Variants in YWHAZ observed in about 807,000 individuals in gnomAD.
YWHAZ encodes the protein tyrosine 3-monooxygenase/tryptophan 5-monooxygenase activation protein zeta.
For missense variants in YWHAZ, 79 were observed against 284.8 expected, an observed-to-expected ratio of 0.28 and a Z score of 5.20; for synonymous variants, 87 against 103.6, an observed-to-expected ratio of 0.84 and a Z score of 0.97.
At chr8:100,950,660 G>GGGGGGGGGA in intron 1 of YWHAZ, 1 of 903,768 alleles carries the variant, frequency 1.1e-6, no homozygotes, top group Non-Finnish European at 1.3e-6. Context: ...CAAGCCGTGG[G>GGGGGGGGGA]GGGGGGGGAG....
At chr8:100,950,566 T>C (rs916112526) in intron 1 of YWHAZ, 4 of 985,306 alleles carry the variant, frequency 4.1e-6, no homozygotes, top group Non-Finnish European at 4.8e-6. Flanking sequence ...ATGGCGGATC[T>C]GTGTCAGGGA....
chr8:100,937,565 G>T (rs180838361), intron 2 of YWHAZ, among the ~76,000 whole-genome samples: 1 of 152,174 alleles, frequency 6.6e-6, no homozygotes, highest in Admixed American at 6.5e-5. Context: ...TGAAATTTGC[G>T]AATACAGCTG....
chr8:100,923,925 T>C (rs1813196403), intron 5 of YWHAZ, 30 bp downstream of exon 5: 3 of 1,552,944 alleles, frequency 1.9e-6, no homozygotes, highest in Non-Finnish European at 2.6e-6. Flanking sequence ...TCAACCACAT[T>C]CATCACTAAT....
At position 100,917,050 on chromosome 8, in the gene YWHAZ, T is replaced by C. The variant is rs1477627733; in HGVS notation, c.*3643A>G. On this transcript the variant is annotated 3_prime_UTR_variant, in exon 6 of 6. Coordinates refer to ENST00000395958, the MANE Select transcript of YWHAZ (RefSeq NM_145690.3). ...ATTTCTTGACCTTTCCCTAGAGGAA[T>C]GTGTAAGACCATCATTGAGCATAGA... 1 of 150,686 alleles carries C rather than the reference T, an allele frequency of 6.6e-6. No individual in the cohort carries two copies. Among genetic ancestry groups the C allele is most frequent in the Admixed American group, 6.6e-5 (1 of 15,238 alleles). The allele number at this position is 150,686 out of a possible 1,614,324, so 9.3% of individuals were successfully genotyped here. A position where few individuals can be genotyped will look rare whatever the true frequency, so the allele number is the denominator to read the frequency against.
intron 2 of YWHAZ, among the ~76,000 whole-genome samples, chr8:100,940,881 A>G (rs531778438): frequency 1.1e-4 from 17 of 152,378 alleles, no homozygotes; most frequent in African/African-American, 3.8e-4. Flanking sequence ...AAAGTAAGGT[A>G]GTATACACTT....
Position 100,951,431 on chromosome 8 carries a change from G to A in YWHAZ, c.-12+498C>T, listed in dbSNP as rs536591581. ...GGGAGGGAAAGGAGGGGGCGGCCGA[G>A]GGAGAGGGGAGGGGGCGGCCTCACC... is the stretch of plus-strand genomic sequence containing the variant. On this transcript the variant is annotated intron_variant, in intron 1 of 5. Transcript: ENST00000395958. 6.1e-6 allele frequency: 6 copies of A among 981,680 alleles called. No homozygotes were observed. In the African/African-American group the frequency reaches 8.8e-5, roughly 14 times the overall value. The allele number at this position is 981,680 out of a possible 1,614,324, so 60.8% of individuals were successfully genotyped here.
chr8:100,918,853 T>C lies in YWHAZ; in HGVS notation c.*1840A>G, dbSNP rs1264336812. 6.6e-6 allele frequency: 1 copy of C among 152,518 alleles called. No individual in the cohort carries two copies. The highest frequency in any genetic ancestry group is 1.5e-5 in the Non-Finnish European group (1 of 68,004). The allele number at this position is 152,518 out of a possible 1,614,324, so 9.4% of individuals were successfully genotyped here. On this transcript the variant is annotated 3_prime_UTR_variant, in exon 6 of 6. Transcript: ENST00000395958. The stretch of plus-strand genomic sequence containing the variant: ...AAAATACACCTTTTTTAAAATGGCA[T>C]TTTTGTTTGGTGTTTTCTGCAAAGT...
Position 100,926,954 on chromosome 8 carries a change from A to G in YWHAZ, c.295-1915T>C, listed in dbSNP as rs570847600. On this transcript the variant is annotated intron_variant, in intron 2 of 5. Coordinates refer to ENST00000395958, the MANE Select transcript of YWHAZ (RefSeq NM_145690.3). ...TTCAACTATGGGAGATGGTATAAAC[A>G]TAAGTGGCTTTGGGGTGAGTCTGGT... 1.5e-3 allele frequency among the ~76,000 whole-genome samples: 232 copies of G among 152,352 alleles called. 2 individuals are homozygous for G. Among genetic ancestry groups the G allele is most frequent in the African/African-American group, 4.9e-3 (202 of 41,592 alleles).
upstream of YWHAZ, chr8:100,953,029 G>C: frequency 2.0e-6 from 2 of 1,000,004 alleles, no homozygotes; most frequent in Non-Finnish European, 2.4e-6. Flanking sequence ...AGGTGGGCCG[G>C]GCCGGGCGGA....
At chr8:100,923,475 C>G (rs1813166972) in intron 5 of YWHAZ, 1 of 152,386 alleles carries the variant, frequency 6.6e-6, no homozygotes, top group Non-Finnish European at 1.5e-5. Context: ...GACACTGTTT[C>G]TTTTTATACA....
chr8:100,952,140 G>A (rs977623401), upstream of YWHAZ: 4 of 985,548 alleles, frequency 4.1e-6, no homozygotes, highest in Non-Finnish European at 4.8e-6. Flanking sequence ...TATGGCAACC[G>A]TTGATTGGTG....
At chr8:100,952,996 G>T, upstream of YWHAZ, 1 of 1,000,752 alleles carries the variant, frequency 1.0e-6, no homozygotes. Context: ...AGGGGACAAT[G>T]GGTGGGCGCC....
At chr8:100,943,332 A>C (rs944783710) in intron 2 of YWHAZ, among the ~76,000 whole-genome samples, 2 of 152,312 alleles carry the variant, frequency 1.3e-5, no homozygotes, top group African/African-American at 2.4e-5. Context: ...AATTCTAAGA[A>C]ACTTATTAGA....
At chr8:100,925,119 C>G (rs2130124356) in intron 2 of YWHAZ, 80 bp from the exon 3 acceptor site, 1 of 1,438,778 alleles carries the variant, frequency 7.0e-7, no homozygotes, top group Middle Eastern at 1.8e-4. Flanking sequence ...AAAGAACAAA[C>G]TATAGCCTAA....
Position 100,919,836 on chromosome 8 carries a change from T to A in YWHAZ, c.*857A>T, listed in dbSNP as rs1244229241. 6.6e-6 allele frequency: 1 copy of A among 150,718 alleles called. No homozygotes were observed. The highest frequency in any genetic ancestry group is 1.5e-5 in the Non-Finnish European group (1 of 67,730). 9.3% of individuals were successfully genotyped at this position (150,718 alleles called of 1,614,324 possible). Reference sequence around the variant, plus strand: ...CATCTCAAGTTATTTCCCTGTTAACTATTTTTACAGCACATGCATGTTAGG... The same window carrying A: ...CATCTCAAGTTATTTCCCTGTTAACAATTTTTACAGCACATGCATGTTAGG... On this transcript the variant is annotated 3_prime_UTR_variant, in exon 6 of 6. Coordinates refer to ENST00000395958, the MANE Select transcript of YWHAZ (RefSeq NM_145690.3).
intron 2 of YWHAZ, among the ~76,000 whole-genome samples, chr8:100,930,663 A>G (rs757955433): frequency 5.9e-5 from 9 of 152,006 alleles, no homozygotes; most frequent in Admixed American, 4.6e-4. Flanking sequence ...CCTCCCATTA[A>G]TTTTTTTAAT....
chr8:100,950,460 A>T, intron 1 of YWHAZ: 1 of 985,486 alleles, frequency 1.0e-6, no homozygotes, highest in Non-Finnish European at 1.2e-6. Context: ...CGGACTTTAA[A>T]GTGCAAATTC....
At position 100,916,624 on chromosome 8, in the gene YWHAZ, G is replaced by T. The variant is rs1812725869; in HGVS notation, c.*4069C>A. Reference sequence around the variant, plus strand: ...GGAATACTAAGAAGTAATCAATTAAGACCAGTTAGGTTTGGACTTTCAAGG... The same window carrying T: ...GGAATACTAAGAAGTAATCAATTAATACCAGTTAGGTTTGGACTTTCAAGG... On this transcript the variant is annotated 3_prime_UTR_variant, in exon 6 of 6. Transcript: ENST00000395958. The T allele has an allele frequency of 6.6e-6, 1 of 152,218 alleles. No individual in the cohort carries two copies. Among genetic ancestry groups the T allele is most frequent in the Non-Finnish European group, 1.5e-5 (1 of 68,042 alleles). The allele number at this position is 152,218 out of a possible 1,614,324, so 9.4% of individuals were successfully genotyped here. A position where few individuals can be genotyped will look rare whatever the true frequency, so the allele number is the denominator to read the frequency against.
At chr8:100,921,222 C>T (rs143289786) in intron 5 of YWHAZ, among the ~76,000 whole-genome samples, 30 of 152,146 alleles carry the variant, frequency 2.0e-4, no homozygotes, top group African/African-American at 5.3e-4. Flanking sequence ...TTAGGAGAGA[C>T]GGGGTTTCAC....
Sources: allele counts gnomAD v4.1 joint callset (sites outside exome capture counted in the v4.1 genomes callset), GRCh38; gene constraint gnomAD v4.1.1; transcripts MANE v1.5; gene names NCBI Gene and HGNC (gene_info 2026-07-23, HGNC 2026-07-21).